IGF2BP3: variants seen among roughly 807,000 people sequenced by gnomAD.
IGF2BP3 encodes the protein insulin like growth factor 2 mRNA binding protein 3, also known as insulin-like growth factor 2 mRNA-binding protein 3.
Under a neutral mutation model 73.8 loss-of-function variants are expected in IGF2BP3, and 9 were observed. The observed-to-expected ratio is 0.12, with a 90% CI of 0.07 to 0.21. The LOEUF (loss-of-function observed/expected upper bound fraction) is 0.21. IGF2BP3 is among the 10% of genes least tolerant of loss of function. IGF2BP3 has a pLI of 1.00. For synonymous variants in IGF2BP3, 258 were observed against 256.7 expected (o/e 1.01, Z -0.05); for missense variants, 542 against 714.0 (o/e 0.76, Z 2.75).
At chr7:23,424,723 CCCTG>C (rs1242822463) in intron 2 of IGF2BP3, among the ~76,000 whole-genome samples, 1 of 152,022 alleles carries the variant, frequency 6.6e-6, no homozygotes, top group Non-Finnish European at 1.5e-5. Flanking sequence ...CCCACACCGG[CCCTG>C]CCTATCTACA....
chr7:23,398,166 G>C lies in IGF2BP3; in HGVS notation c.285+20610C>G, dbSNP rs566217688. 2.0e-4 allele frequency among the ~76,000 whole-genome samples: 30 copies of C among 150,940 alleles called. No homozygotes were observed. In the South Asian group the frequency reaches 5.6e-3, roughly 28 times the overall value. On this transcript the variant is annotated intron_variant, in intron 3 of 14. Transcript: ENST00000258729. ...CTATGAGTGAGAACATGCAGTGGTT[G>C]GTTTTTTGTCCTTGCGATAGTTTGC...
intron 3 of IGF2BP3, chr7:23,414,886 G>A (rs978988980): frequency 1.3e-4 from 24 of 177,836 alleles, no homozygotes; most frequent in South Asian, 5.0e-4. Flanking sequence ...ACATCCGCAG[G>A]TCCCTGTCCA....
chr7:23,443,102 ATTTTTTTTTTTTTTTTTTTT>A (rs34674050), intron 2 of IGF2BP3, among the ~76,000 whole-genome samples: 1 of 85,816 alleles, frequency 1.2e-5, no homozygotes, highest in African/African-American at 5.3e-5. Context: ...CATTACAGTG[ATTTTTTTTTTTTTTTTTTTT>A]TTTTTTTTGA....
intron 1 of IGF2BP3, among the ~76,000 whole-genome samples, chr7:23,468,943 C>T (rs549591834): frequency 6.6e-6 from 1 of 152,350 alleles, no homozygotes; most frequent in South Asian, 2.1e-4. Flanking sequence ...CTGGCCCTGC[C>T]CTCTGCTTCA....
intron 2 of IGF2BP3, chr7:23,450,637 G>A (rs752985462): frequency 1.3e-5 from 2 of 152,078 alleles, no homozygotes; most frequent in Non-Finnish European, 2.9e-5. Flanking sequence ...ATTGAAACTA[G>A]ACTTTAAAAA....
At chr7:23,432,225 G>C (rs1038410372) in intron 2 of IGF2BP3, among the ~76,000 whole-genome samples, 3 of 152,198 alleles carry the variant, frequency 2.0e-5, no homozygotes, top group African/African-American at 7.2e-5. Flanking sequence ...CTGACGCCAT[G>C]AGTATGCACT....
At chr7:23,336,891 T>C (rs748998166) in intron 10 of IGF2BP3, among the ~76,000 whole-genome samples, 5 of 151,456 alleles carry the variant, frequency 3.3e-5, no homozygotes, top group Non-Finnish European at 5.9e-5. Flanking sequence ...GAGTTTGCAG[T>C]GAACCGAGAT....
intron 5 of IGF2BP3, among the ~76,000 whole-genome samples, chr7:23,357,276 C>CT (rs201996068): frequency 0.014 from 2,027 of 143,718 alleles, 39 homozygotes; most frequent in African/African-American, 0.043. Context: ...TAGTTTCTTT[C>CT]TTTTTTTTTT....
chr7:23,397,986 G>T (rs563044919), intron 3 of IGF2BP3, among the ~76,000 whole-genome samples: 1 of 152,268 alleles, frequency 6.6e-6, no homozygotes, highest in East Asian at 1.9e-4. Context: ...GACAATCTGA[G>T]GACAGAAGCA....
intron 3 of IGF2BP3, among the ~76,000 whole-genome samples, chr7:23,363,649 T>C (rs1451896446): frequency 6.6e-6 from 1 of 152,220 alleles, no homozygotes; most frequent in Non-Finnish European, 1.5e-5. Context: ...TTTTATTTGG[T>C]AAATTTCTTT....
At chr7:23,361,862 G>A in intron 3 of IGF2BP3, 121 bp from the exon 4 acceptor site, 1 of 750,840 alleles carries the variant, frequency 1.3e-6, no homozygotes, top group East Asian at 2.7e-5. Flanking sequence ...ATTATCTGGG[G>A]CTTTGGACTG....
chr7:23,312,664 G>C (rs1783864697), intron 14 of IGF2BP3, 71 bp downstream of exon 14: 16 of 1,105,620 alleles, frequency 1.4e-5, no homozygotes, highest in Non-Finnish European at 2.2e-5. Context: ...AATTCTATCA[G>C]GTAGGAGCAC....
intron 3 of IGF2BP3, among the ~76,000 whole-genome samples, chr7:23,387,100 G>A (rs894491863): frequency 2.6e-5 from 4 of 151,540 alleles, no homozygotes; most frequent in African/African-American, 9.7e-5. Flanking sequence ...GAAAAAGGAA[G>A]GAAGGAAGGT....
At chr7:23,339,729 G>A (rs1784660880) in intron 10 of IGF2BP3, among the ~76,000 whole-genome samples, 1 of 152,186 alleles carries the variant, frequency 6.6e-6, no homozygotes, top group African/African-American at 2.4e-5. Flanking sequence ...AGGGGAACCA[G>A]CAGAAATGTG....
chr7:23,355,517 C>T (rs1327846968), intron 5 of IGF2BP3, among the ~76,000 whole-genome samples: 2 of 152,076 alleles, frequency 1.3e-5, no homozygotes, highest in Non-Finnish European at 2.9e-5. Flanking sequence ...AAGTGTGAGC[C>T]ACAGCGCCAG....
chr7:23,402,045 A>G (rs1176054756), intron 3 of IGF2BP3, among the ~76,000 whole-genome samples: 4 of 152,044 alleles, frequency 2.6e-5, no homozygotes, highest in African/African-American at 9.7e-5. Context: ...TGAACCCAGG[A>G]GGCAGAGGCT....
rs149065425 is a variant in IGF2BP3 at position 23,372,487 on chromosome 7, T to C, written c.286-10746A>G. Reference sequence around the variant, plus strand: ...TATACCTCACCCTCCTCCCACCCTTTCCGCCGAGTACCCAAAGTCCATTGT... The same window carrying C: ...TATACCTCACCCTCCTCCCACCCTTCCCGCCGAGTACCCAAAGTCCATTGT... On this transcript the variant is annotated intron_variant, in intron 3 of 14. Transcript: ENST00000258729. 8.1e-3 allele frequency among the ~76,000 whole-genome samples: 1,235 copies of C among 152,292 alleles called. 18 individuals carry two copies. The highest frequency in any genetic ancestry group is 0.028 in the African/African-American group (1,152 of 41,548).
chr7:23,366,120 TG>T (rs1785363870), intron 3 of IGF2BP3: 1 of 152,088 alleles, frequency 6.6e-6, no homozygotes, highest in East Asian at 1.9e-4. Context: ...TAAATGCTAT[TG>T]GTTGTCAACT....
chr7:23,342,899 C>A (rs1470598831), intron 9 of IGF2BP3, among the ~76,000 whole-genome samples: 1 of 152,154 alleles, frequency 6.6e-6, no homozygotes, highest in Non-Finnish European at 1.5e-5. Context: ...AGCAGGTTGG[C>A]AAGAAGTCAC....
Sources: allele counts gnomAD v4.1 joint callset (sites outside exome capture counted in the v4.1 genomes callset), GRCh38; gene constraint gnomAD v4.1.1; transcripts MANE v1.5; gene names NCBI Gene and HGNC (gene_info 2026-07-23, HGNC 2026-07-21).